The following TSGA10 variants were observed in gnomAD, a reference collection of about 807,000 sequenced individuals.
TSGA10 encodes the protein testis specific 10, also known as testis-specific gene 10 protein.
In TSGA10, 43 loss-of-function variants were observed where a neutral mutation model predicts 96.6. That is an observed-to-expected ratio of 0.44 (90% CI 0.35 to 0.57). The LOEUF is 0.57. Ranked by LOEUF, TSGA10 falls within the 20% of genes least tolerant of loss-of-function variation. TSGA10 has a pLI of 0.01. For synonymous variants in TSGA10, 229 were observed against 269.9 expected (o/e 0.85, Z 1.48); for missense variants, 703 against 834.4 (o/e 0.84, Z 1.94).
Position 99,114,760 on chromosome 2 carries a change from T to C in TSGA10, c.-140+2784A>G, listed in dbSNP as rs144208011. Among the ~76,000 whole-genome samples, 227 of 152,270 alleles carry C rather than the reference T, an allele frequency of 1.5e-3. 1 individual carries two copies. In the Middle Eastern group the frequency reaches 0.034, roughly 23 times the overall value. ...ATTTACCCTGACATAGTACTTACTC[T>C]CTCTAGAACATAAACCCTAACAACC... On this transcript the variant is annotated intron_variant, in intron 4 of 20. Transcript: ENST00000393483.
At chr2:99,042,030 GC>G (rs376583583) in intron 16 of TSGA10, among the ~76,000 whole-genome samples, 36 of 138,746 alleles carry the variant, frequency 2.6e-4, no homozygotes, top group African/African-American at 1.0e-3. Flanking sequence ...ATAGACAATT[GC>G]CCCCCCACAT....
rs138467250 is a variant in TSGA10, at chr2:99,117,373, G to T, written c.-140+171C>A. On this transcript the variant is annotated intron_variant, in intron 4 of 20. Coordinates refer to ENST00000393483, the MANE Select transcript of TSGA10 (RefSeq NM_025244.4). ...ATGTTTTGAGTAGAATTTGTTAAAA[G>T]AAGTAAAATGTGAGAAACAATTTAA... is the stretch of plus-strand genomic sequence containing the variant. 396 of 196,566 alleles carry T rather than the reference G, an allele frequency of 2.0e-3. 3 individuals carry two copies. Among genetic ancestry groups the T allele is most frequent in the East Asian group, 0.014 (76 of 5,330 alleles). 12.2% of individuals were successfully genotyped at this position (196,566 alleles called of 1,614,324 possible). A position where few individuals can be genotyped will look rare whatever the true frequency, so the allele number is the denominator to read the frequency against.
Position 99,065,043 on chromosome 2 carries a change from A to T in TSGA10, c.1300T>A (p.Ser434Thr). ...AENWENKARQ[S>T]EADNNTLKLE... The stretch of plus-strand genomic sequence containing the variant: ...TTGAGGGTATTGTTATCTGCCTCTG[A>T]TTGACGGGCTTTATTTTCCCAGTTT... The change falls in exon 16 of 21, where the codon TCA becomes ACA. Residue 434 changes from serine to threonine, a missense_variant. By Grantham distance (58) the Ser-to-Thr change is moderately conservative. Transcript: ENST00000393483. 2 of 1,613,910 alleles carry T rather than the reference A, an allele frequency of 1.2e-6. No homozygotes were observed. The highest frequency in any genetic ancestry group is 1.7e-6 in the Non-Finnish European group (2 of 1,179,922).
At chr2:99,102,642 T>C in intron 10 of TSGA10, 1 of 1,614,100 alleles carries the variant, frequency 6.2e-7, no homozygotes, top group Non-Finnish European at 8.5e-7. Context: ...ACTGCTTGAG[T>C]CAGCTGACAA....
intron 16 of TSGA10, among the ~76,000 whole-genome samples, chr2:99,049,440 T>G (rs956818178): frequency 6.6e-6 from 1 of 152,110 alleles, no homozygotes; most frequent in Non-Finnish European, 1.5e-5. Flanking sequence ...GGGACATGGA[T>G]GAAGCTGAAA....
At chr2:99,030,305 C>T (rs753110565) in intron 17 of TSGA10, among the ~76,000 whole-genome samples, 20 of 151,804 alleles carry the variant, frequency 1.3e-4, no homozygotes, top group Admixed American at 2.6e-4. Flanking sequence ...CAAGATAGTG[C>T]CACTGTACTC....
At chr2:99,008,603 G>C (rs567486379) in intron 20 of TSGA10, among the ~76,000 whole-genome samples, 2 of 152,328 alleles carry the variant, frequency 1.3e-5, no homozygotes, top group East Asian at 3.9e-4. Flanking sequence ...CTGCAAAATG[G>C]AGGGGAATGT....
chr2:99,069,051 T>C, intron 14 of TSGA10, 53 bp from the exon 15 acceptor site: 1 of 939,538 alleles, frequency 1.1e-6, no homozygotes, highest in Non-Finnish European at 1.5e-6. Context: ...AATTTCTATA[T>C]CTCAAAAATA....
chr2:98,999,983 T>C (rs1359085541), intron 20 of TSGA10, among the ~76,000 whole-genome samples: 2 of 152,216 alleles, frequency 1.3e-5, no homozygotes, highest in Non-Finnish European at 2.9e-5. Flanking sequence ...CTGTAACTCC[T>C]AGGCTCAAGC....
intron 1 of TSGA10, among the ~76,000 whole-genome samples, chr2:99,135,676 C>T (rs1195888966): frequency 6.6e-6 from 1 of 152,114 alleles, no homozygotes; most frequent in African/African-American, 2.4e-5. Context: ...ACTTCTCTGA[C>T]TATAGCTTCC....
At chr2:99,081,205 T>C (rs2104593852) in intron 11 of TSGA10, 77 bp downstream of exon 11, 2 of 750,230 alleles carry the variant, frequency 2.7e-6, no homozygotes. Flanking sequence ...TTCTATGTTA[T>C]ACTGAAGAGA....
intron 20 of TSGA10, among the ~76,000 whole-genome samples, chr2:99,015,701 C>A (rs2079459321): frequency 6.6e-6 from 1 of 152,120 alleles, no homozygotes; most frequent in Non-Finnish European, 1.5e-5. Flanking sequence ...TAGAGTCAAA[C>A]TATCACTGTT....
chr2:99,021,877 T>C (rs1295889111), intron 17 of TSGA10, among the ~76,000 whole-genome samples: 1 of 152,214 alleles, frequency 6.6e-6, no homozygotes, highest in Non-Finnish European at 1.5e-5. Flanking sequence ...GGCAATCTCA[T>C]ATACTTTGCT....
At chr2:99,097,797 C>T (rs1384712454) in intron 10 of TSGA10, among the ~76,000 whole-genome samples, 1 of 152,060 alleles carries the variant, frequency 6.6e-6, no homozygotes, top group African/African-American at 2.4e-5. Flanking sequence ...AAAAACTTAA[C>T]ATATGCTATT....
At chr2:99,104,183 G>T in intron 9 of TSGA10, 65 bp from the exon 10 acceptor site, 2 of 1,564,420 alleles carry the variant, frequency 1.3e-6, no homozygotes, top group East Asian at 4.5e-5. Context: ...TTCCTGAAGG[G>T]CATACTCCCT....
intron 9 of TSGA10, among the ~76,000 whole-genome samples, 171 bp downstream of exon 9, chr2:99,105,188 T>C (rs987273963): frequency 5.3e-5 from 8 of 151,934 alleles, no homozygotes; most frequent in Non-Finnish European, 1.2e-4. Flanking sequence ...TAGAAGGAAA[T>C]AAACAAATGA....
chr2:99,111,622 C>T (rs2091827710), intron 4 of TSGA10, among the ~76,000 whole-genome samples: 1 of 152,116 alleles, frequency 6.6e-6, no homozygotes, highest in Non-Finnish European at 1.5e-5. Flanking sequence ...CCAACGTTCT[C>T]TTCTACGATT....
At chr2:99,083,357 T>C (rs1266696075) in intron 10 of TSGA10, among the ~76,000 whole-genome samples, 1 of 151,692 alleles carries the variant, frequency 6.6e-6, no homozygotes, top group Non-Finnish European at 1.5e-5. Context: ...CTATAGACAC[T>C]CAAAAATACT....
At chr2:99,128,062 C>T (rs1310167393) in intron 1 of TSGA10, among the ~76,000 whole-genome samples, 1 of 152,088 alleles carries the variant, frequency 6.6e-6, no homozygotes, top group African/African-American at 2.4e-5. Flanking sequence ...TCAAGGCTAC[C>T]ATTGTGTTAA....
Sources: gnomAD v4.1 joint callset for allele counts (sites outside exome capture counted in the v4.1 genomes callset) on GRCh38, gnomAD v4.1.1 for gene constraint, MANE v1.5 for transcripts, NCBI Gene and HGNC (gene_info 2026-07-23, HGNC 2026-07-21) for gene names.